ZEB1: variants seen among roughly 807,000 people sequenced by gnomAD.
The protein encoded by ZEB1 is zinc finger E-box-binding homeobox 1.
Under a neutral mutation model 84.9 loss-of-function variants are expected in ZEB1, and 21 were observed. That is an observed-to-expected ratio of 0.25 (90% CI 0.18 to 0.36). The LOEUF (loss-of-function observed/expected upper bound fraction) is 0.36. ZEB1 is among the 10% of genes least tolerant of loss of function. ZEB1 has a pLI of 1.00. For synonymous variants in ZEB1, 420 were observed against 471.1 expected (o/e 0.89, Z 1.41); for missense variants, 1,104 against 1,330.2 (o/e 0.83, Z 2.65).
intron 1 of ZEB1, among the ~76,000 whole-genome samples, chr10:31,397,367 T>C (rs929556479): frequency 1.3e-5 from 2 of 152,026 alleles, no homozygotes; most frequent in Non-Finnish European, 1.5e-5. Context: ...GGGTTGATTA[T>C]ATAACCAGAG....
rs72637901 is a variant in ZEB1 at position 31,342,309 on chromosome 10, A to G, written c.58+23017A>G. ...CACAATTTTTAGTGGTAGAGCCAGT[A>G]GGAAAGGAATTGAGCCCAGGATTAG... On this transcript the variant is annotated intron_variant, in intron 1 of 8. Coordinates refer to ENST00000424869, the MANE Select transcript of ZEB1 (RefSeq NM_001174096.2). Among the ~76,000 whole-genome samples the G allele has an allele frequency of 0.013, 1,955 of 152,292 alleles. 109 individuals are homozygous for G. In the East Asian group the frequency reaches 0.18, roughly 14 times the overall value.
intron 1 of ZEB1, among the ~76,000 whole-genome samples, chr10:31,422,828 T>C (rs1418674490): frequency 6.6e-6 from 1 of 151,986 alleles, no homozygotes; most frequent in Non-Finnish European, 1.5e-5. Context: ...TTTTCTTTTG[T>C]TCCCCCCTTT....
chr10:31,423,706 A>G (rs1258225995), intron 1 of ZEB1, among the ~76,000 whole-genome samples: 1 of 152,120 alleles, frequency 6.6e-6, no homozygotes. Context: ...AGCTGGCTAT[A>G]TAGCAAGTTT....
At chr10:31,382,006 CAAAAAAAAAAAAA>C (rs535534850) in intron 1 of ZEB1, among the ~76,000 whole-genome samples, 1 of 40,770 alleles carries the variant, frequency 2.5e-5, no homozygotes, top group Non-Finnish European at 9.5e-5. Context: ...GAGACTGTCT[CAAAAAAAAAAAAA>C]AAAAAAAAAA....
At chr10:31,385,761 C>T (rs992671936) in intron 1 of ZEB1, among the ~76,000 whole-genome samples, 1 of 152,012 alleles carries the variant, frequency 6.6e-6, no homozygotes, top group African/African-American at 2.4e-5. Flanking sequence ...CTCCTGACCT[C>T]GTAATCCGCC....
intron 1 of ZEB1, among the ~76,000 whole-genome samples, chr10:31,332,716 T>A (rs1275816404): frequency 2.0e-5 from 3 of 152,200 alleles, no homozygotes. Context: ...TGCCTTTTTT[T>A]AGACCAGCTG....
intron 1 of ZEB1, chr10:31,321,003 A>T (rs1342228481): frequency 2.7e-6 from 1 of 375,532 alleles, no homozygotes; most frequent in Non-Finnish European, 3.7e-6. Context: ...TATTTTTAAA[A>T]CGACTTTTAA....
In ZEB1 at chr10:31,397,747, A is replaced by T. The variant is rs145908053; in HGVS notation, c.59-63290A>T. On this transcript the variant is annotated intron_variant, in intron 1 of 8. Coordinates refer to ENST00000424869, the MANE Select transcript of ZEB1 (RefSeq NM_001174096.2). ...AAGGATTGTAAGGGATTAGGATTTT[A>T]AAAAGGAGAATATGCAACAGAGATT... Among the ~76,000 whole-genome samples, 1,021 of 152,330 alleles carry T rather than the reference A, an allele frequency of 6.7e-3. 11 individuals are homozygous for T. Among genetic ancestry groups the T allele is most frequent in the African/African-American group, 0.022 (932 of 41,570 alleles).
chr10:31,465,265 A>C (rs2062265616), intron 2 of ZEB1, among the ~76,000 whole-genome samples: 1 of 152,068 alleles, frequency 6.6e-6, no homozygotes, highest in African/African-American at 2.4e-5. Context: ...CAAGTATGTA[A>C]ATTGTGGTAT....
chr10:31,471,617 C>CT (rs2063260565), intron 2 of ZEB1, among the ~76,000 whole-genome samples: 1 of 143,432 alleles, frequency 7.0e-6, no homozygotes, highest in African/African-American at 2.7e-5. Flanking sequence ...TAATGGGAGA[C>CT]TTTAACACCC....
At chr10:31,460,049 A>G (rs2061650693) in intron 1 of ZEB1, among the ~76,000 whole-genome samples, 1 of 152,054 alleles carries the variant, frequency 6.6e-6, no homozygotes, top group Non-Finnish European at 1.5e-5. Flanking sequence ...TTTCTTAGCA[A>G]ATAAGAATCA....
At chr10:31,512,790 C>T (rs561330740) in intron 5 of ZEB1, among the ~76,000 whole-genome samples, 1 of 152,218 alleles carries the variant, frequency 6.6e-6, no homozygotes, top group South Asian at 2.1e-4. Flanking sequence ...CTAGGTTTCA[C>T]AGAGAAGGGA....
chr10:31,486,582 T>C (rs2065793528), intron 2 of ZEB1, among the ~76,000 whole-genome samples: 1 of 151,362 alleles, frequency 6.6e-6, no homozygotes. Context: ...GTGTTTTTTT[T>C]TTCTTTTTTT....
intron 1 of ZEB1, among the ~76,000 whole-genome samples, chr10:31,427,575 A>G (rs112700178): frequency 0.086 from 13,072 of 152,166 alleles, 859 homozygotes; most frequent in African/African-American, 0.19. Flanking sequence ...AATCTTGGCC[A>G]GGCGCGGTGG....
At chr10:31,484,715 T>G (rs541572952) in intron 2 of ZEB1, among the ~76,000 whole-genome samples, 2 of 152,082 alleles carry the variant, frequency 1.3e-5, no homozygotes, top group East Asian at 3.9e-4. Context: ...AATGAATATT[T>G]TTTTCTTGCT....
At chr10:31,487,774 T>C (rs1410422281) in intron 2 of ZEB1, among the ~76,000 whole-genome samples, 1 of 151,358 alleles carries the variant, frequency 6.6e-6, no homozygotes, top group Non-Finnish European at 1.5e-5. Context: ...AGATACGCTT[T>C]ATCAAATTGA....
rs1196916915 is a variant in ZEB1 at position 31,505,163 on chromosome 10, T to C, written c.484+2654T>C. On this transcript the variant is annotated intron_variant, in intron 4 of 8. Coordinates refer to ENST00000424869, the MANE Select transcript of ZEB1 (RefSeq NM_001174096.2). Reference sequence around the variant, plus strand: ...ACTTGATCATATTGCATTATCTTTTTGACGTGCTGTTAGATTTAGTTTGTG... The same window carrying C: ...ACTTGATCATATTGCATTATCTTTTCGACGTGCTGTTAGATTTAGTTTGTG... Among the ~76,000 whole-genome samples the C allele has an allele frequency of 2.0e-5, 3 of 152,180 alleles. No individual in the cohort carries two copies. The East Asian group carries it at 5.8e-4, about 29-fold the overall frequency.
intron 1 of ZEB1, among the ~76,000 whole-genome samples, chr10:31,448,998 G>C (rs1489555439): frequency 6.6e-6 from 1 of 152,194 alleles, no homozygotes; most frequent in East Asian, 1.9e-4. Context: ...AATGGCGGGC[G>C]CCCCTCCCCC....
At chr10:31,495,747 A>T in intron 2 of ZEB1, 29 bp from the exon 3 acceptor site, 3 of 1,611,338 alleles carry the variant, frequency 1.9e-6, no homozygotes, top group Non-Finnish European at 2.5e-6. Flanking sequence ...AACACTATAG[A>T]TCTATTTTAA....
Sources: allele counts gnomAD v4.1 joint callset (sites outside exome capture counted in the v4.1 genomes callset), GRCh38; gene constraint gnomAD v4.1.1; transcripts MANE v1.5; gene names NCBI Gene and HGNC (gene_info 2026-07-23, HGNC 2026-07-21).